The following MBOAT1 variants were observed in gnomAD, a reference collection of about 807,000 sequenced individuals.
MBOAT1 encodes the protein membrane-bound glycerophospholipid O-acyltransferase 1.
Under a neutral mutation model 64.4 loss-of-function variants are expected in MBOAT1, and 67 were observed. That is an observed-to-expected ratio of 1.04 (90% confidence interval 0.85 to 1.27). The LOEUF is 1.27. MBOAT1 is among the 50% of genes most tolerant of loss of function. MBOAT1 has a pLI of 0.00. For synonymous variants in MBOAT1, 229 were observed against 218.9 expected, an observed-to-expected ratio of 1.05 and a Z score of -0.41; for missense variants, 563 against 604.6, an observed-to-expected ratio of 0.93 and a Z score of 0.72.
intron 4 of MBOAT1, among the ~76,000 whole-genome samples, chr6:20,132,230 G>A (rs913948309): frequency 3.3e-5 from 5 of 152,266 alleles, no homozygotes; most frequent in Middle Eastern, 3.4e-3. Flanking sequence ...TCATTAAAAC[G>A]TGAGAAGAGC....
At chr6:20,135,903 G>A (rs776554129) in intron 4 of MBOAT1, among the ~76,000 whole-genome samples, 1 of 152,120 alleles carries the variant, frequency 6.6e-6, no homozygotes, top group Non-Finnish European at 1.5e-5. Flanking sequence ...CTGCCATCTC[G>A]CACAACTCCA....
chr6:20,150,711 G>A (rs577865583), intron 3 of MBOAT1, among the ~76,000 whole-genome samples: 16 of 149,576 alleles, frequency 1.1e-4, no homozygotes, highest in African/African-American at 2.9e-4. Flanking sequence ...CTATAGGTGC[G>A]CACCACTACG....
intron 1 of MBOAT1, among the ~76,000 whole-genome samples, chr6:20,162,019 G>A (rs543388638): frequency 1.3e-5 from 2 of 152,268 alleles, no homozygotes; most frequent in East Asian, 3.9e-4. Context: ...TTCTCCCTGT[G>A]TCTTCCCTGT....
At chr6:20,144,417 C>A in intron 3 of MBOAT1, 102 bp from the exon 4 acceptor site, 1 of 778,540 alleles carries the variant, frequency 1.3e-6, no homozygotes, top group Admixed American at 2.1e-5. Context: ...TGCAGTTGGT[C>A]ACAATGTCCT....
chr6:20,177,936 C>T (rs1762397078), intron 1 of MBOAT1, among the ~76,000 whole-genome samples: 1 of 152,134 alleles, frequency 6.6e-6, no homozygotes, highest in Non-Finnish European at 1.5e-5. Context: ...TTTCCCTTTA[C>T]TCTGAAGCCA....
At chr6:20,113,133 C>A in intron 10 of MBOAT1, 125 bp from the exon 11 acceptor site, 1 of 1,186,490 alleles carries the variant, frequency 8.4e-7, no homozygotes, top group Non-Finnish European at 1.2e-6. Flanking sequence ...GCCTCCCTAA[C>A]CGTCTTCGGG....
intron 3 of MBOAT1, among the ~76,000 whole-genome samples, chr6:20,148,598 T>G (rs1042817373): frequency 3.3e-5 from 5 of 152,214 alleles, no homozygotes; most frequent in African/African-American, 1.2e-4. Flanking sequence ...ACCAGCATTT[T>G]GCAGGAGGGA....
At chr6:20,166,566 A>C (rs1762020044) in intron 1 of MBOAT1, among the ~76,000 whole-genome samples, 2 of 152,096 alleles carry the variant, frequency 1.3e-5, no homozygotes, top group Non-Finnish European at 2.9e-5. Flanking sequence ...GAGTTGTTGC[A>C]CATGTTGTCC....
intron 4 of MBOAT1, 22 bp downstream of exon 4, chr6:20,144,198 C>A (rs1431494154): frequency 6.6e-7 from 1 of 1,524,048 alleles, no homozygotes; most frequent in South Asian, 1.1e-5. Flanking sequence ...TAAAACCCCT[C>A]TCTCTAATGT....
intron 1 of MBOAT1, among the ~76,000 whole-genome samples, chr6:20,174,816 C>T (rs1391793462): frequency 6.6e-6 from 1 of 152,190 alleles, no homozygotes; most frequent in African/African-American, 2.4e-5. Flanking sequence ...ACAGGATCCA[C>T]ACTGATTGCA....
intron 12 of MBOAT1, among the ~76,000 whole-genome samples, chr6:20,103,711 GC>G (rs1759871133): frequency 6.6e-6 from 1 of 152,196 alleles, no homozygotes; most frequent in Non-Finnish European, 1.5e-5. Flanking sequence ...GCAGGCATGA[GC>G]CACCATGCCC....
At chr6:20,110,606 C>A (rs1760109638) in intron 11 of MBOAT1, among the ~76,000 whole-genome samples, 2 of 151,828 alleles carry the variant, frequency 1.3e-5, no homozygotes, top group Non-Finnish European at 2.9e-5. Context: ...AAAAAAATTT[C>A]TTTCTTTTTT....
At chr6:20,139,313 A>G (rs2113673082) in intron 4 of MBOAT1, among the ~76,000 whole-genome samples, 1 of 152,194 alleles carries the variant, frequency 6.6e-6, no homozygotes, top group Non-Finnish European at 1.5e-5. Flanking sequence ...TTTTTTGTAG[A>G]GACGGGGTTT....
In MBOAT1 at chr6:20,100,200, T is replaced by A. The variant is rs142663241; in HGVS notation, c.*2086A>T. 7.9e-5 allele frequency among the ~76,000 whole-genome samples: 12 copies of A among 152,338 alleles called. No homozygotes were observed. In the East Asian group the frequency reaches 2.3e-3, roughly 29 times the overall value. On this transcript the variant is annotated 3_prime_UTR_variant, in exon 13 of 13. Transcript: ENST00000324607. Reference sequence around the variant, plus strand: ...CAGACATGAGGATACTTACATTACATACAGTGAAACCTGATCATCAATCAC... The same window carrying A: ...CAGACATGAGGATACTTACATTACAAACAGTGAAACCTGATCATCAATCAC...
At position 20,128,714 on chromosome 6, in the gene MBOAT1, T is replaced by C. The variant is rs561791011; in HGVS notation, c.515A>G (p.His172Arg). 5 of 1,610,612 alleles carry C rather than the reference T, an allele frequency of 3.1e-6. No homozygotes were observed. The East Asian group carries it at 6.7e-5, about 22-fold the overall frequency. The change falls in exon 6 of 13, where the codon CAT (histidine) becomes CGT (arginine). Residue 172 changes from histidine to arginine, a missense_variant. Transcript: ENST00000324607. ...CTTCACTTACTTGATAGCAAGTCGA[T>C]GTTGTTCAGCAGAAAGGTCTTCAGC... ...RRAEDLSAEQHRLAIKVKPSF... is the reference protein window; with the variant it reads ...RRAEDLSAEQRRLAIKVKPSF...
chr6:20,109,699 A>G lies in MBOAT1; in HGVS notation c.1260T>C (p.Ala420=), dbSNP rs922789236. The change falls in exon 12 of 13, where the codon GCT becomes GCC. Residue 420 remains alanine, a synonymous_variant. Coordinates refer to ENST00000324607, the MANE Select transcript of MBOAT1 (RefSeq NM_001080480.3). ...HYFLSSRALK[A]VYDAGTWAVT... ...CGGCCCAGGTGCCTGCATCATACAC[A>G]GCCTTGAGAGCTCTTGAAGAAAGGA... The G allele has an allele frequency of 8.7e-6, 14 of 1,614,054 alleles. No homozygotes were observed. Among genetic ancestry groups the G allele is most frequent in the African/African-American group, 5.3e-5 (4 of 74,934 alleles).
At chr6:20,196,252 G>T (rs758831379) in intron 1 of MBOAT1, among the ~76,000 whole-genome samples, 2 of 152,144 alleles carry the variant, frequency 1.3e-5, no homozygotes, top group African/African-American at 2.4e-5. Flanking sequence ...TTTAAATCTG[G>T]TCTCAAAATA....
intron 3 of MBOAT1, among the ~76,000 whole-genome samples, chr6:20,148,808 C>T (rs1761404180): frequency 6.6e-6 from 1 of 151,928 alleles, no homozygotes; most frequent in African/African-American, 2.4e-5. Context: ...AAGAGCAAAC[C>T]AAGAGGGGCA....
At chr6:20,153,531 G>A (rs948400513) in intron 1 of MBOAT1, among the ~76,000 whole-genome samples, 1 of 152,170 alleles carries the variant, frequency 6.6e-6, no homozygotes, top group South Asian at 2.1e-4. Context: ...TTGACTCTGC[G>A]AGTGACTCAC....
Sources: allele counts gnomAD v4.1 joint callset (sites outside exome capture counted in the v4.1 genomes callset), GRCh38; gene constraint gnomAD v4.1.1; transcripts MANE v1.5; gene names NCBI Gene and HGNC (gene_info 2026-07-23, HGNC 2026-07-21).